Variants in CNTN5 observed in about 807,000 individuals in gnomAD.
CNTN5 encodes the protein contactin-5.
CNTN5 carries 77 observed loss-of-function variants against 129.1 expected under a neutral mutation model. That is an observed-to-expected ratio of 0.60 (90% CI 0.50 to 0.72). The LOEUF (loss-of-function observed/expected upper bound fraction) is 0.72. CNTN5 is among the 30% of genes least tolerant of loss of function. CNTN5 has a pLI of 0.00. For synonymous variants in CNTN5, 509 were observed against 465.6 expected (o/e 1.09, Z -1.20); for missense variants, 1,478 against 1,328.8 (o/e 1.11, Z -1.75).
At chr11:99,296,084 T>G (rs929823615) in intron 1 of CNTN5, among the ~76,000 whole-genome samples, 2 of 152,146 alleles carry the variant, frequency 1.3e-5, no homozygotes, top group African/African-American at 4.8e-5. Flanking sequence ...TAATTTCTAT[T>G]GTTCATAGTG....
intron 3 of CNTN5, among the ~76,000 whole-genome samples, chr11:99,614,382 T>C (rs956431461): frequency 2.6e-5 from 4 of 152,204 alleles, no homozygotes; most frequent in Non-Finnish European, 5.9e-5. Flanking sequence ...TTCATACTTA[T>C]ATTTTGCTTT....
chr11:99,146,141 G>A (rs1435181980), intron 1 of CNTN5, among the ~76,000 whole-genome samples: 3 of 152,006 alleles, frequency 2.0e-5, no homozygotes, highest in Non-Finnish European at 4.4e-5. Context: ...TTGTCAAAAT[G>A]ATAAATGGAT....
intron 1 of CNTN5, among the ~76,000 whole-genome samples, chr11:99,323,557 C>T (rs953727256): frequency 6.6e-6 from 1 of 151,992 alleles, no homozygotes; most frequent in Admixed American, 6.6e-5. Context: ...TGTATTATCT[C>T]ATTTAATGTT....
At chr11:99,486,837 G>A (rs1945835469) in intron 2 of CNTN5, among the ~76,000 whole-genome samples, 1 of 152,112 alleles carries the variant, frequency 6.6e-6, no homozygotes, top group Non-Finnish European at 1.5e-5. Context: ...TGATGACATA[G>A]ATCTATTTTC....
intron 6 of CNTN5, among the ~76,000 whole-genome samples, chr11:99,883,281 G>A (rs756364134): frequency 3.3e-5 from 5 of 152,004 alleles, no homozygotes; most frequent in African/African-American, 7.2e-5. Context: ...GTTTTTTTGA[G>A]GAACCTCCAA....
At chr11:99,566,382 G>A (rs1351550662) in intron 3 of CNTN5, among the ~76,000 whole-genome samples, 2 of 152,154 alleles carry the variant, frequency 1.3e-5, no homozygotes, top group Admixed American at 6.5e-5. Context: ...TCTTCTTTAC[G>A]AATTATCTAG....
intron 3 of CNTN5, among the ~76,000 whole-genome samples, chr11:99,696,893 T>C (rs995271050): frequency 1.3e-5 from 2 of 151,836 alleles, no homozygotes; most frequent in Non-Finnish European, 2.9e-5. Context: ...TCTATGCACA[T>C]AATAGTTTAC....
intron 1 of CNTN5, among the ~76,000 whole-genome samples, chr11:99,271,971 A>T (rs1317934163): frequency 6.6e-6 from 1 of 151,974 alleles, no homozygotes; most frequent in Non-Finnish European, 1.5e-5. Context: ...ATGTAGGGGA[A>T]TTAGTCTCCA....
chr11:99,908,740 G>C (rs895984025), intron 6 of CNTN5, among the ~76,000 whole-genome samples: 3 of 151,992 alleles, frequency 2.0e-5, no homozygotes, highest in African/African-American at 7.2e-5. Context: ...AAAGACCTAA[G>C]ATCAAAAATA....
At chr11:99,576,868 C>A (rs1161412485) in intron 3 of CNTN5, among the ~76,000 whole-genome samples, 1 of 152,114 alleles carries the variant, frequency 6.6e-6, no homozygotes, top group Non-Finnish European at 1.5e-5. Flanking sequence ...CTAATCACCT[C>A]CCCAAAGTTC....
chr11:100,040,774 C>T (rs917998043), intron 9 of CNTN5, among the ~76,000 whole-genome samples: 1 of 152,218 alleles, frequency 6.6e-6, no homozygotes, highest in African/African-American at 2.4e-5. Flanking sequence ...ACCCTCCTAG[C>T]CAAGTGCGGG....
At chr11:100,191,104 A>AAC (rs1555035049) in intron 13 of CNTN5, 22 bp from the exon 14 acceptor site, 1 of 1,560,678 alleles carries the variant, frequency 6.4e-7, no homozygotes, top group South Asian at 1.2e-5. Context: ...AGAAAAAAAA[A>AAC]CTGTTTTTAA....
At chr11:99,656,722 G>A (rs1268317248) in intron 3 of CNTN5, among the ~76,000 whole-genome samples, 1 of 152,086 alleles carries the variant, frequency 6.6e-6, no homozygotes. Flanking sequence ...GAAGCCAAGA[G>A]CAACAAGGCT....
intron 16 of CNTN5, among the ~76,000 whole-genome samples, chr11:100,246,405 T>C (rs765603977): frequency 6.6e-6 from 1 of 152,152 alleles, no homozygotes; most frequent in East Asian, 1.9e-4. Context: ...CTCTTTTCTT[T>C]AGATCATTTT....
At chr11:99,595,714 C>T (rs1413325679) in intron 3 of CNTN5, among the ~76,000 whole-genome samples, 2 of 151,908 alleles carry the variant, frequency 1.3e-5, no homozygotes, top group Admixed American at 6.6e-5. Context: ...ATGTATGAAT[C>T]TCAATTTTTA....
intron 1 of CNTN5, among the ~76,000 whole-genome samples, chr11:99,321,144 C>CA (rs978454875): frequency 2.6e-5 from 4 of 151,800 alleles, no homozygotes; most frequent in African/African-American, 9.7e-5. Flanking sequence ...TTCAGCTTGC[C>CA]AATTGCACAT....
intron 6 of CNTN5, among the ~76,000 whole-genome samples, chr11:99,897,896 A>G (rs2135937500): frequency 6.6e-6 from 1 of 152,294 alleles, no homozygotes; most frequent in African/African-American, 2.4e-5. Context: ...TCTTCAGGAG[A>G]CCTATCTCAC....
At chr11:99,979,701 T>G (rs565510296) in intron 8 of CNTN5, among the ~76,000 whole-genome samples, 34 of 152,354 alleles carry the variant, frequency 2.2e-4, no homozygotes, top group Middle Eastern at 3.4e-3. Context: ...TTAGTTGTTA[T>G]GAACTAAGTT....
At chr11:99,560,493 G>A (rs1362970982) in intron 3 of CNTN5, among the ~76,000 whole-genome samples, 2 of 151,926 alleles carry the variant, frequency 1.3e-5, no homozygotes, top group Non-Finnish European at 2.9e-5. Context: ...GTTTCACCAT[G>A]TTGGCCAGGC....
Sources: allele counts gnomAD v4.1 joint callset (sites outside exome capture counted in the v4.1 genomes callset), GRCh38; gene constraint gnomAD v4.1.1; transcripts MANE v1.5; gene names NCBI Gene and HGNC (gene_info 2026-07-23, HGNC 2026-07-21).